Variants in SYNPO2 observed in about 807,000 individuals in gnomAD.
The protein encoded by SYNPO2 is synaptopodin-2.
Under a neutral mutation model 85.0 loss-of-function variants are expected in SYNPO2, and 56 were observed. That is an observed-to-expected ratio of 0.66 (90% confidence interval 0.53 to 0.82). The LOEUF is 0.82. Among genes scored for constraint, SYNPO2 ranks in the 40% least tolerant of loss-of-function variants. The pLI, the probability that SYNPO2 is intolerant of heterozygous loss-of-function variation, is 0.00. For missense variants in SYNPO2, 1,575 were observed against 1,534.2 expected, an observed-to-expected ratio of 1.03 and a Z score of -0.44; for synonymous variants, 602 against 591.1, an observed-to-expected ratio of 1.02 and a Z score of -0.27.
At chr4:118,980,412 T>G (rs1180981868) in intron 1 of SYNPO2, among the ~76,000 whole-genome samples, 1 of 152,164 alleles carries the variant, frequency 6.6e-6, no homozygotes, top group Non-Finnish European at 1.5e-5. Flanking sequence ...AACTGTCTAC[T>G]GTTTGCTTGG....
chr4:118,876,848 T>C (rs1731936101), intron 1 of SYNPO2, among the ~76,000 whole-genome samples: 1 of 151,592 alleles, frequency 6.6e-6, no homozygotes, highest in African/African-American at 2.4e-5. Flanking sequence ...TGGAGTGCAG[T>C]GGCATAATCA....
chr4:118,926,635 G>T (rs1433918737), intron 1 of SYNPO2, among the ~76,000 whole-genome samples: 1 of 152,154 alleles, frequency 6.6e-6, no homozygotes, highest in Non-Finnish European at 1.5e-5. Context: ...TGAGAGCTGG[G>T]TTGCAGTTTG....
intron 1 of SYNPO2, among the ~76,000 whole-genome samples, chr4:119,012,670 A>G (rs922879148): frequency 1.3e-5 from 2 of 151,944 alleles, no homozygotes; most frequent in Non-Finnish European, 1.5e-5. Context: ...TTCCTCTATT[A>G]GTTTGCTGAC....
intron 1 of SYNPO2, among the ~76,000 whole-genome samples, chr4:118,856,073 A>G (rs1731499169): frequency 6.6e-6 from 1 of 152,142 alleles, no homozygotes; most frequent in Admixed American, 6.5e-5. Flanking sequence ...CTTCTAGCCC[A>G]TGTTGTATGG....
chr4:118,973,993 T>C (rs888840621), intron 1 of SYNPO2, among the ~76,000 whole-genome samples: 1 of 152,254 alleles, frequency 6.6e-6, no homozygotes, highest in African/African-American at 2.4e-5. Flanking sequence ...TTGTTCCCAT[T>C]ATACAGCTGA....
intron 4 of SYNPO2, among the ~76,000 whole-genome samples, chr4:119,051,713 T>C (rs1561031029): frequency 3.3e-5 from 5 of 151,846 alleles, no homozygotes. Context: ...AAAAGAAAAA[T>C]AGGAGAGAGG....
chr4:119,009,747 A>C (rs1737220725), intron 1 of SYNPO2, among the ~76,000 whole-genome samples: 1 of 152,214 alleles, frequency 6.6e-6, no homozygotes, highest in African/African-American at 2.4e-5. Context: ...CTCCCTAAGA[A>C]AGCCTGATAT....
chr4:118,879,341 C>A (rs975399755), intron 1 of SYNPO2, among the ~76,000 whole-genome samples: 3 of 152,142 alleles, frequency 2.0e-5, no homozygotes, highest in African/African-American at 7.2e-5. Flanking sequence ...GGGAACTGAA[C>A]GTTTTTGTCT....
chr4:118,907,189 C>T (rs904805081), intron 1 of SYNPO2, among the ~76,000 whole-genome samples: 7 of 152,082 alleles, frequency 4.6e-5, no homozygotes, highest in Admixed American at 2.0e-4. Context: ...CCCCACCATA[C>T]GAAAATGTAA....
chr4:118,881,130 G>GT (rs1443886443), intron 1 of SYNPO2, among the ~76,000 whole-genome samples: 2 of 151,978 alleles, frequency 1.3e-5, no homozygotes, highest in South Asian at 4.2e-4. Context: ...GTGAAACCTC[G>GT]TCTCTACTAA....
At chr4:119,000,009 A>G (rs1468639650) in intron 1 of SYNPO2, among the ~76,000 whole-genome samples, 4 of 152,174 alleles carry the variant, frequency 2.6e-5, no homozygotes, top group African/African-American at 7.2e-5. Flanking sequence ...GCTCCTGACC[A>G]TGGGTTTATC....
chr4:118,994,384 G>A (rs1736513805), intron 1 of SYNPO2, among the ~76,000 whole-genome samples: 1 of 152,218 alleles, frequency 6.6e-6, no homozygotes, highest in Non-Finnish European at 1.5e-5. Context: ...AAACTGAGAT[G>A]AGAAAAATCA....
chr4:118,935,560 G>A (rs1275949611), intron 1 of SYNPO2, among the ~76,000 whole-genome samples: 1 of 152,244 alleles, frequency 6.6e-6, no homozygotes, highest in South Asian at 2.1e-4. Flanking sequence ...TATTTTCACT[G>A]TACTTTTCTA....
chr4:118,969,026 CTA>C (rs1476681836), intron 1 of SYNPO2, among the ~76,000 whole-genome samples: 1 of 152,150 alleles, frequency 6.6e-6, no homozygotes, highest in Non-Finnish European at 1.5e-5. Context: ...GTCTTAGCCT[CTA>C]TGTAGTTGAG....
chr4:118,991,308 T>C (rs1270777163), intron 1 of SYNPO2, among the ~76,000 whole-genome samples: 1 of 151,778 alleles, frequency 6.6e-6, no homozygotes. Flanking sequence ...CCACCGCACC[T>C]GGCTAATTTT....
intron 1 of SYNPO2, among the ~76,000 whole-genome samples, chr4:118,874,444 C>T (rs1282552643): frequency 1.3e-5 from 2 of 152,148 alleles, no homozygotes; most frequent in African/African-American, 4.8e-5. Flanking sequence ...AAATTCTCTC[C>T]TAATTTGTGT....
intron 4 of SYNPO2, among the ~76,000 whole-genome samples, chr4:119,047,201 C>A (rs1338932309): frequency 6.6e-6 from 1 of 152,152 alleles, no homozygotes; most frequent in East Asian, 1.9e-4. Context: ...GCTGAGATTA[C>A]AGGCATGAGC....
intron 1 of SYNPO2, among the ~76,000 whole-genome samples, chr4:118,941,958 G>C (rs935223643): frequency 6.6e-6 from 1 of 152,174 alleles, no homozygotes; most frequent in Non-Finnish European, 1.5e-5. Flanking sequence ...GGACATAGGA[G>C]CTATCCCTGG....
At chr4:118,868,563 G>A (rs1731743849) in intron 1 of SYNPO2, among the ~76,000 whole-genome samples, 1 of 151,982 alleles carries the variant, frequency 6.6e-6, no homozygotes, top group South Asian at 2.1e-4. Context: ...TTTAAGAGAA[G>A]GAATTTTTCA....
Sources: allele counts gnomAD v4.1 joint callset (sites outside exome capture counted in the v4.1 genomes callset), GRCh38; gene constraint gnomAD v4.1.1; transcripts MANE v1.5; gene names NCBI Gene and HGNC (gene_info 2026-07-23, HGNC 2026-07-21).